Variants in CADM1 observed in about 807,000 individuals in gnomAD.
CADM1 encodes the protein cell adhesion molecule 1, also known as TSLC-1.
A neutral mutation model predicts 53.1 loss-of-function variants in CADM1; 15 were observed. That is an observed-to-expected ratio of 0.28 (90% CI 0.19 to 0.44). CADM1 has a LOEUF of 0.44. CADM1 is among the 20% of genes least tolerant of loss of function. The pLI is 1.00. For synonymous variants in CADM1, 281 were observed against 243.0 expected, an observed-to-expected ratio of 1.16 and a Z score of -1.45; for missense variants, 434 against 611.3, an observed-to-expected ratio of 0.71 and a Z score of 3.06.
At chr11:115,401,427 T>C (rs965072206) in intron 1 of CADM1, among the ~76,000 whole-genome samples, 6 of 152,040 alleles carry the variant, frequency 3.9e-5, no homozygotes, top group African/African-American at 9.7e-5. Flanking sequence ...GCCAACATGG[T>C]GAAACCCCAT....
In CADM1 at chr11:115,189,329, A is replaced by C. The variant is rs45604639; in HGVS notation, c.1165+1559T>G. ...TGGCTGATTCAGTCACATTTTCCTAAAGAGGAGAAAAATGACTTTTGCATA... is the reference window on the plus strand; with the variant it reads ...TGGCTGATTCAGTCACATTTTCCTACAGAGGAGAAAAATGACTTTTGCATA... On this transcript the variant is annotated intron_variant, in intron 10 of 11. Coordinates refer to ENST00000331581, the MANE Select transcript of CADM1 (RefSeq NM_001301043.2). 2.8e-3 allele frequency among the ~76,000 whole-genome samples: 428 copies of C among 152,190 alleles called. 1 individual carries two copies. The highest frequency in any genetic ancestry group is 4.0e-3 in the Non-Finnish European group (271 of 68,002).
intron 1 of CADM1, among the ~76,000 whole-genome samples, chr11:115,292,069 T>A (rs1381003489): frequency 7.1e-6 from 1 of 141,326 alleles, no homozygotes; most frequent in Non-Finnish European, 1.5e-5. Flanking sequence ...GGGCTTGTCT[T>A]CTGTTTCTTA....
At chr11:115,497,975 CAAA>C (rs766633630) in intron 1 of CADM1, among the ~76,000 whole-genome samples, 12 of 72,382 alleles carry the variant, frequency 1.7e-4, no homozygotes, top group South Asian at 5.2e-4. Context: ...GAAAGAGCCT[CAAA>C]AAAAAAAAAA....
intron 1 of CADM1, among the ~76,000 whole-genome samples, chr11:115,303,120 T>C (rs1944275974): frequency 6.6e-6 from 1 of 152,020 alleles, no homozygotes; most frequent in African/African-American, 2.4e-5. Context: ...CAGATGGGTG[T>C]GGTACAAAAA....
intron 7 of CADM1, among the ~76,000 whole-genome samples, chr11:115,214,085 T>C (rs60561534): frequency 0.063 from 9,669 of 152,268 alleles, 761 homozygotes; most frequent in African/African-American, 0.18. Context: ...AAAAAAGCTT[T>C]TGTTCTGAAG....
At chr11:115,284,260 A>G (rs1464882960) in intron 1 of CADM1, among the ~76,000 whole-genome samples, 1 of 151,856 alleles carries the variant, frequency 6.6e-6, no homozygotes, top group Non-Finnish European at 1.5e-5. Flanking sequence ...TGGCCTAGAG[A>G]TGATCCAGTA....
intron 1 of CADM1, among the ~76,000 whole-genome samples, chr11:115,295,506 T>TTATCTA (rs1944028556): frequency 1.8e-5 from 1 of 55,056 alleles, no homozygotes; most frequent in Non-Finnish European, 3.1e-5. Flanking sequence ...TCAAGATATT[T>TTATCTA]TATATATATA....
chr11:115,277,384 T>C (rs1943473515), intron 1 of CADM1, among the ~76,000 whole-genome samples: 1 of 152,162 alleles, frequency 6.6e-6, no homozygotes, highest in South Asian at 2.1e-4. Flanking sequence ...CAGAACACTA[T>C]CATTAATAAT....
chr11:115,493,912 C>A (rs564358542), intron 1 of CADM1, among the ~76,000 whole-genome samples: 3 of 152,172 alleles, frequency 2.0e-5, no homozygotes, highest in African/African-American at 7.2e-5. Flanking sequence ...GACTAGAGAC[C>A]ATATCCAATG....
At chr11:115,191,718 T>C (rs889059872) in intron 9 of CADM1, among the ~76,000 whole-genome samples, 4 of 147,996 alleles carry the variant, frequency 2.7e-5, no homozygotes, top group Non-Finnish European at 4.5e-5. Flanking sequence ...ATGGTTTCCA[T>C]TTCCTTTTGC....
chr11:115,468,267 G>A (rs928421903), intron 1 of CADM1, among the ~76,000 whole-genome samples: 3 of 152,154 alleles, frequency 2.0e-5, no homozygotes, highest in African/African-American at 4.8e-5. Context: ...GAAAAACTGT[G>A]AGCATCACAA....
Position 115,387,314 on chromosome 11 carries a change from C to T in CADM1, c.124+116957G>A, listed in dbSNP as rs550996987. Among the ~76,000 whole-genome samples the T allele has an allele frequency of 2.2e-4, 34 of 152,034 alleles. 1 individual carries two copies. The South Asian group carries it at 4.8e-3, about 21-fold the overall frequency. On this transcript the variant is annotated intron_variant, in intron 1 of 11. Coordinates refer to ENST00000331581, the MANE Select transcript of CADM1 (RefSeq NM_001301043.2). ...TATACAGAGTTTTGAATTTGGAAAGCATATTAGTGTTCCACATATTCAAAA... is the reference window on the plus strand; with the variant it reads ...TATACAGAGTTTTGAATTTGGAAAGTATATTAGTGTTCCACATATTCAAAA...
intron 1 of CADM1, among the ~76,000 whole-genome samples, chr11:115,319,215 C>A (rs1051967373): frequency 6.6e-6 from 1 of 152,132 alleles, no homozygotes; most frequent in African/African-American, 2.4e-5. Flanking sequence ...ACATCTAGGT[C>A]ATGAGCTTTA....
intron 1 of CADM1, among the ~76,000 whole-genome samples, chr11:115,347,254 C>CG (rs1411902491): frequency 6.6e-6 from 1 of 152,020 alleles, no homozygotes; most frequent in African/African-American, 2.4e-5. Context: ...TACTAGCCCC[C>CG]CCAACTGCTT....
At chr11:115,323,101 T>C (rs1332373842) in intron 1 of CADM1, among the ~76,000 whole-genome samples, 1 of 152,176 alleles carries the variant, frequency 6.6e-6, no homozygotes, top group Admixed American at 6.5e-5. Flanking sequence ...ACACCTGTTA[T>C]TGTCTTCTTG....
intron 9 of CADM1, among the ~76,000 whole-genome samples, chr11:115,198,153 A>G (rs1475955069): frequency 6.6e-6 from 1 of 152,218 alleles, no homozygotes; most frequent in African/African-American, 2.4e-5. Flanking sequence ...ACTCTGTGCC[A>G]CTGAAACTCC....
chr11:115,379,263 T>C (rs1946517104), intron 1 of CADM1, among the ~76,000 whole-genome samples: 1 of 152,190 alleles, frequency 6.6e-6, no homozygotes, highest in African/African-American at 2.4e-5. Context: ...CTACTAAAAT[T>C]AGGATAATAA....
chr11:115,259,089 G>A (rs1199054447), intron 1 of CADM1, among the ~76,000 whole-genome samples: 10 of 151,802 alleles, frequency 6.6e-5, no homozygotes, highest in African/African-American at 2.4e-4. Context: ...AGGTTCAAGC[G>A]ATTCTCCTAC....
chr11:115,198,421 C>T lies in CADM1; in HGVS notation c.1096G>A (p.Glu366Lys), dbSNP rs1226920728. ...TGATACCAACCGTGAACTGCTGGTTCTGTCGTCGCCGTTGTGTCTACAGAC... is the reference window on the plus strand; with the variant it reads ...TGATACCAACCGTGAACTGCTGGTTTTGTCGTCGCCGTTGTGTCTACAGAC... ...TIITDTTATT[E>K]PAVHGLTQLP... is the part of the protein sequence containing the mutation. Residue 366 changes from glutamate (E) to lysine (K), a missense_variant, in exon 9 of 12, where the codon GAA becomes AAA. Transcript: ENST00000331581. The T allele has an allele frequency of 1.3e-6, 2 of 1,595,648 alleles. No individual in the cohort carries two copies. The highest frequency in any genetic ancestry group is 2.2e-5 in the South Asian group (2 of 90,050).
Sources: allele counts gnomAD v4.1 joint callset (sites outside exome capture counted in the v4.1 genomes callset), GRCh38; gene constraint gnomAD v4.1.1; transcripts MANE v1.5; gene names NCBI Gene and HGNC (gene_info 2026-07-23, HGNC 2026-07-21).